Variants in FANCI observed in about 807,000 individuals in gnomAD.
FANCI encodes the protein FA complementation group I.
Under a neutral mutation model 176.1 loss-of-function variants are expected in FANCI, and 156 were observed. That is an observed-to-expected ratio of 0.89 (90% CI 0.78 to 1.01). The LOEUF is 1.01. Among genes scored for constraint, FANCI ranks in the 50% least tolerant of loss-of-function variants. The pLI is 0.00. For synonymous variants in FANCI, 613 were observed against 541.7 expected, an observed-to-expected ratio of 1.13 and a Z score of -1.83; for missense variants, 1,678 against 1,534.1, an observed-to-expected ratio of 1.09 and a Z score of -1.57.
At chr15:89,260,453 TAAGACCTATTA>T (rs1322388159) in intron 3 of FANCI, among the ~76,000 whole-genome samples, 1 of 152,212 alleles carries the variant, frequency 6.6e-6, no homozygotes, top group Admixed American at 6.5e-5. Flanking sequence ...TCAAAAGCTG[TAAGACCTATTA>T]GAAGGTTACT....
In FANCI at chr15:89,301,380, GCC is replaced by G. The variant is rs1235080486; in HGVS notation, c.2946_2947del (p.Leu983ProfsTer57). 2 of 1,613,968 alleles carry G rather than the reference GCC, an allele frequency of 1.2e-6. No individual in the cohort carries two copies. Among genetic ancestry groups the G allele is most frequent in the African/African-American group, 2.7e-5 (2 of 74,904 alleles). On this transcript the variant is annotated frameshift_variant, in exon 27 of 38. Coordinates refer to ENST00000310775, the MANE Select transcript of FANCI (RefSeq NM_001113378.2). LOFTEE classifies it high-confidence loss of function. ...SQEEDFNSKE[A>X]LLLVTVLTSL... is the part of the protein sequence containing the mutation. ...AGAGGAAGATTTTAATAGCAAAGAA[GCC>G]CTCCTGCTAGTCACGGTTCTTACCA...
In FANCI at chr15:89,301,365, T is replaced by G; in HGVS notation, c.2929T>G (p.Phe977Val). Residue 977 changes from phenylalanine to valine, a missense_variant, in exon 27 of 38, where the codon TTT becomes GTT. This residue lies in a region of FANCI where 1,204 missense variants were observed against 1,077.4 expected (regional missense o/e 1.12). Transcript: ENST00000310775. ...TTTACTTAGCAGTCAAGAGGAAGATTTTAATAGCAAAGAAGCCCTCCTGCT... is the reference window on the plus strand; with the variant it reads ...TTTACTTAGCAGTCAAGAGGAAGATGTTAATAGCAAAGAAGCCCTCCTGCT... Reference protein sequence around the residue: ...LNLLSSQEEDFNSKEALLLVT... With the variant: ...LNLLSSQEEDVNSKEALLLVT... The G allele has an allele frequency of 6.2e-7, 1 of 1,614,062 alleles. No individual in the cohort carries two copies. The highest frequency in any genetic ancestry group is 1.3e-5 in the African/African-American group (1 of 75,020).
intron 12 of FANCI, among the ~76,000 whole-genome samples, chr15:89,274,694 T>A (rs1034371324): frequency 3.6e-5 from 5 of 140,584 alleles, no homozygotes; most frequent in Non-Finnish European, 6.0e-5. Flanking sequence ...ACCCTTGACC[T>A]CCTGGGCTCA....
chr15:89,312,987 C>T lies in FANCI; in HGVS notation c.3720+15C>T. 6.2e-7 allele frequency: 1 copy of T among 1,613,114 alleles called. No individual in the cohort carries two copies. Among genetic ancestry groups the T allele is most frequent in the Non-Finnish European group, 8.5e-7 (1 of 1,179,266 alleles). ...CCACAGCCATGGTAAGCTGCTGACA[C>T]TGACCGTTAAAATATGCTTGTTGGT... On this transcript the variant is annotated intron_variant, in intron 35 of 37. Coordinates refer to ENST00000310775, the MANE Select transcript of FANCI (RefSeq NM_001113378.2).
intron 6 of FANCI, 37 bp from the exon 7 acceptor site, chr15:89,263,382 T>G: frequency 6.3e-7 from 1 of 1,579,570 alleles, no homozygotes; most frequent in South Asian, 1.1e-5. Context: ...TCTAAATAAG[T>G]TGTAAAGAAA....
At position 89,276,846 on chromosome 15, in the gene FANCI, G is replaced by A. The variant is rs998334333; in HGVS notation, c.1248G>A (p.Gln416=). ...CAAGTCTTTCTAGAATGCCAAACCA[G>A]CATGCATGTAAGCTCGGAGCTAATA... ...TSPSLSRMPN[Q]HACKLGANIL... The change falls in exon 13 of 38, where the codon CAG becomes CAA. Residue 416 remains glutamine, a synonymous_variant. Transcript: ENST00000310775. The A allele has an allele frequency of 1.1e-5, 17 of 1,614,136 alleles. No homozygotes were observed. In the African/African-American group the frequency reaches 2.1e-4, roughly 20 times the overall value.
chr15:89,304,000 A>G (rs2054619763), intron 28 of FANCI, 85 bp downstream of exon 28: 3 of 1,297,180 alleles, frequency 2.3e-6, no homozygotes, highest in Admixed American at 3.5e-5. Context: ...GGTATTCCCC[A>G]TTCATTACAC....
chr15:89,291,496 C>T, intron 19 of FANCI, 117 bp from the exon 20 acceptor site: 1 of 823,180 alleles, frequency 1.2e-6, no homozygotes, highest in East Asian at 2.5e-5. Flanking sequence ...GTTCTTTGAA[C>T]AGTTGGGAAA....
intron 31 of FANCI, 95 bp downstream of exon 31, chr15:89,305,793 TTTC>T (rs2054696066): frequency 5.2e-6 from 7 of 1,352,240 alleles, no homozygotes; most frequent in Non-Finnish European, 7.4e-6. Flanking sequence ...CTGAGCTAAA[TTTC>T]TTATTTGCCT....
chr15:89,275,293 G>T (rs1456246271), intron 12 of FANCI, among the ~76,000 whole-genome samples: 1 of 151,966 alleles, frequency 6.6e-6, no homozygotes, highest in Non-Finnish European at 1.5e-5. Flanking sequence ...TTGAAATTTG[G>T]AGCGTACAGT....
chr15:89,295,527 A>T (rs760558895), intron 24 of FANCI, among the ~76,000 whole-genome samples: 1 of 152,026 alleles, frequency 6.6e-6, no homozygotes, highest in African/African-American at 2.4e-5. Context: ...TTAGCCTGGC[A>T]TGGTGGCACA....
intron 11 of FANCI, 127 bp downstream of exon 11, chr15:89,273,596 A>T: frequency 4.5e-6 from 3 of 671,604 alleles, no homozygotes; most frequent in Non-Finnish European, 8.0e-6. Flanking sequence ...TCCTGCCAGC[A>T]GCAAAGCTGC....
rs772352819 is a variant in FANCI, at chr15:89,293,827, T to C, written c.2292-6T>C. ...TCCTTAGCGGTCTCTTTTTTGTTTTTTACAGTAAGAATAGGTTTGAGGACA... is the reference window on the plus strand; with the variant it reads ...TCCTTAGCGGTCTCTTTTTTGTTTTCTACAGTAAGAATAGGTTTGAGGACA... On this transcript the variant is annotated splice_region_variant and splice_polypyrimidine_tract_variant and intron_variant, in intron 22 of 37. Transcript: ENST00000310775. 1.7e-5 allele frequency: 27 copies of C among 1,613,468 alleles called. No homozygotes were observed. Among genetic ancestry groups the C allele is most frequent in the Non-Finnish European group, 2.0e-5 (24 of 1,179,982 alleles).
At chr15:89,290,561 G>C (rs1211337202) in intron 19 of FANCI, 1 of 400,950 alleles carries the variant, frequency 2.5e-6, no homozygotes, top group African/African-American at 2.0e-5. Context: ...AAGGACCATT[G>C]CAACTGTATC....
intron 2 of FANCI, among the ~76,000 whole-genome samples, chr15:89,253,512 AAAATAAAT>A (rs10691127): frequency 6.4e-4 from 89 of 138,650 alleles, no homozygotes; most frequent in South Asian, 1.9e-3. Context: ...CTGTCTCTTA[AAAATAAAT>A]AAATAAATAA....
rs1021980933 is a variant in FANCI, at chr15:89,283,134, A to G, written c.1584-2A>G. On this transcript the variant is annotated splice_acceptor_variant, in intron 16 of 37. Transcript: ENST00000310775. LOFTEE classifies it high-confidence loss of function. ...TTGTTAACTTCTCTATTTCTGAGCT[A>G]GCCAGCTTGATGCCCGAAAATCTGC... 1.2e-6 allele frequency: 2 copies of G among 1,614,172 alleles called. No homozygotes were observed. The highest frequency in any genetic ancestry group is 1.7e-6 in the Non-Finnish European group (2 of 1,180,018).
In FANCI at chr15:89,298,055, C is replaced by CCT. The variant is rs972913628; in HGVS notation, c.2637-1739_2637-1738dup. 2.0e-5 allele frequency among the ~76,000 whole-genome samples: 3 copies of CCT among 151,470 alleles called. No homozygotes were observed. The South Asian group carries it at 6.3e-4, about 32-fold the overall frequency. On this transcript the variant is annotated intron_variant, in intron 24 of 37. Transcript: ENST00000310775. ...CAAATCCTTAATTAATGTAATCAGC[C>CCT]CTCTCTCCATAGTCAAAAAACAGAA...
Position 89,316,615 on chromosome 15 carries a change from G to C in FANCI, c.*156G>C, listed in dbSNP as rs2055273596. On this transcript the variant is annotated 3_prime_UTR_variant, in exon 38 of 38. Transcript: ENST00000310775. ...ACCTTCAGTTAGAAGGAATCTTCTT[G>C]GCAGGTCCTGCTACTGAAAAATGGC... is the stretch of plus-strand genomic sequence containing the variant. The C allele has an allele frequency of 9.1e-7, 1 of 1,097,210 alleles. No individual in the cohort carries two copies. The highest frequency in any genetic ancestry group is 1.6e-5 in the African/African-American group (1 of 64,346). The allele number at this position is 1,097,210 out of a possible 1,614,324, so 68.0% of individuals were successfully genotyped here. A position where few individuals can be genotyped will look rare whatever the true frequency, so the allele number is the denominator to read the frequency against.
chr15:89,316,966 A>T lies in FANCI; in HGVS notation c.*507A>T. 1.8e-5 allele frequency: 13 copies of T among 707,314 alleles called. No homozygotes were observed. The South Asian group carries it at 2.0e-4, about 11-fold the overall frequency. 43.8% of individuals were successfully genotyped at this position (707,314 alleles called of 1,614,324 possible). A position where few individuals can be genotyped will look rare whatever the true frequency, so the allele number is the denominator to read the frequency against. On this transcript the variant is annotated 3_prime_UTR_variant, in exon 38 of 38. Coordinates refer to ENST00000310775, the MANE Select transcript of FANCI (RefSeq NM_001113378.2). ...CAATTGCCACGAACGGTAATGTTACATGTTAGGAGGGTCTGTTTTCTTTTT... is the reference window on the plus strand; with the variant it reads ...CAATTGCCACGAACGGTAATGTTACTTGTTAGGAGGGTCTGTTTTCTTTTT...
Sources: gnomAD v4.1 joint callset for allele counts (sites outside exome capture counted in the v4.1 genomes callset) on GRCh38, gnomAD v4.1.1 for gene constraint, gnomAD v4.1.1 regional missense constraint, MANE v1.5 for transcripts, NCBI Gene and HGNC (gene_info 2026-07-23, HGNC 2026-07-21) for gene names.